The following RBPJ variants were observed in gnomAD, a reference collection of about 807,000 sequenced individuals.
RBPJ encodes recombining binding protein suppressor of hairless.
A neutral mutation model predicts 67.8 loss-of-function variants in RBPJ; 9 were observed. That is an observed-to-expected ratio of 0.13 (90% CI 0.08 to 0.23). RBPJ has a LOEUF of 0.23. Among genes scored for constraint, RBPJ ranks in the 10% least tolerant of loss-of-function variants. The probability of loss-of-function intolerance (pLI) is 1.00; values close to 1 mark genes in which losing one functional copy is unlikely to be tolerated. For synonymous variants in RBPJ, 198 were observed against 203.3 expected (o/e 0.97, Z 0.22); for missense variants, 305 against 595.6 (o/e 0.51, Z 5.08).
At chr4:26,387,009 T>C (rs771919624) in intron 2 of RBPJ, among the ~76,000 whole-genome samples, 1 of 152,108 alleles carries the variant, frequency 6.6e-6, no homozygotes, top group Non-Finnish European at 1.5e-5. Context: ...TATATATATA[T>C]GTATATGTAT....
the RBPJ span, among the ~76,000 whole-genome samples, chr4:26,126,433 CCT>C: frequency 6.6e-6 from 1 of 152,226 alleles, no homozygotes; most frequent in Non-Finnish European, 1.5e-5. Flanking sequence ...GACAGATACT[CCT>C]CTCTCTTTCC....
intron 1 of RBPJ, among the ~76,000 whole-genome samples, chr4:26,223,218 G>T (rs1327230311): frequency 1.3e-5 from 2 of 152,070 alleles, no homozygotes; most frequent in African/African-American, 4.8e-5. Flanking sequence ...CTGCTTTGAG[G>T]AGCACTCTTT....
chr4:26,164,765 GT>G (rs963113079), intron 1 of RBPJ, among the ~76,000 whole-genome samples: 15 of 152,258 alleles, frequency 9.9e-5, no homozygotes, highest in Admixed American at 9.2e-4. Flanking sequence ...TTAAAAATGT[GT>G]TTTTCTACTG....
At position 26,169,399 on chromosome 4, in the gene RBPJ, C is replaced by T. The variant is rs540923431; in HGVS notation, c.-167+5785C>T. Among the ~76,000 whole-genome samples, 16 of 152,330 alleles carry T rather than the reference C, an allele frequency of 1.1e-4. No individual in the cohort carries two copies. The South Asian group carries it at 1.9e-3, about 18-fold the overall frequency. On this transcript the variant is annotated intron_variant, in intron 1 of 4. Transcript: ENST00000512351. ...TGCAGAACCTCGGATTTTCATGATCCACGAATGCTGCTGTCTGATCGTTCC... is the reference window on the plus strand; with the variant it reads ...TGCAGAACCTCGGATTTTCATGATCTACGAATGCTGCTGTCTGATCGTTCC...
intron 1 of RBPJ, among the ~76,000 whole-genome samples, chr4:26,307,317 A>T (rs570599115): frequency 6.6e-6 from 1 of 152,268 alleles, no homozygotes; most frequent in Non-Finnish European, 1.5e-5. Context: ...TTAGACAGGC[A>T]TACAACCTTT....
At chr4:26,168,797 C>T (rs1353305906) in intron 1 of RBPJ, among the ~76,000 whole-genome samples, 3 of 151,984 alleles carry the variant, frequency 2.0e-5, no homozygotes, top group African/African-American at 7.3e-5. Flanking sequence ...TCTAAACTTC[C>T]CTTCTCACTT....
At chr4:26,263,019 C>T (rs531059881) in intron 1 of RBPJ, among the ~76,000 whole-genome samples, 1 of 152,260 alleles carries the variant, frequency 6.6e-6, no homozygotes, top group East Asian at 1.9e-4. Context: ...CCCAGTTAAC[C>T]ACCACCCCAG....
chr4:26,240,061 C>T (rs1266913257), intron 1 of RBPJ, among the ~76,000 whole-genome samples: 1 of 152,136 alleles, frequency 6.6e-6, no homozygotes, highest in Non-Finnish European at 1.5e-5. Flanking sequence ...TCCGTGTGAG[C>T]AAAACTTCCC....
At chr4:26,157,112 C>CAAACAAAAAAAAAAAAAAAAAAAAAAA in the RBPJ span, among the ~76,000 whole-genome samples, 1 of 113,278 alleles carries the variant, frequency 8.8e-6, no homozygotes, top group African/African-American at 3.2e-5. Flanking sequence ...AACAAACAAA[C>CAAACAAAAAAAAAAAAAAAAAAAAAAA]AAACAAAAAA....
chr4:26,348,918 G>T (rs1040951121), intron 1 of RBPJ, among the ~76,000 whole-genome samples: 2 of 152,044 alleles, frequency 1.3e-5, no homozygotes, highest in Admixed American at 1.3e-4. Flanking sequence ...TGTTGCTCAG[G>T]CTGGTCTTAA....
At chr4:26,109,438 CTCTCTCTCTCTCTCTCTCTCTCTATATA>C in the RBPJ span, among the ~76,000 whole-genome samples, 8 of 34,292 alleles carry the variant, frequency 2.3e-4, 1 homozygote, top group African/African-American at 1.0e-3. Flanking sequence ...CTCTCTCTCT[CTCTCTCTCTCTCTCTCTCTCTCTATATA>C]TATATATATA....
intron 1 of RBPJ, among the ~76,000 whole-genome samples, chr4:26,216,046 T>G (rs527724651): frequency 6.6e-6 from 1 of 152,054 alleles, no homozygotes; most frequent in Non-Finnish European, 1.5e-5. Context: ...CCGGGGGAAA[T>G]TCAGTTCCTT....
At chr4:26,274,910 C>G (rs1035343528) in intron 1 of RBPJ, among the ~76,000 whole-genome samples, 1 of 151,710 alleles carries the variant, frequency 6.6e-6, no homozygotes, top group Non-Finnish European at 1.5e-5. Flanking sequence ...TGATCCTAGC[C>G]TGGGTGACAG....
At chr4:26,301,569 G>C (rs991248629) in intron 1 of RBPJ, among the ~76,000 whole-genome samples, 1 of 149,672 alleles carries the variant, frequency 6.7e-6, no homozygotes, top group African/African-American at 2.5e-5. Flanking sequence ...TCCAGCCTGG[G>C]TGACAGAGCG....
At chr4:26,407,437 G>A (rs1473271784) in intron 3 of RBPJ, among the ~76,000 whole-genome samples, 1 of 152,096 alleles carries the variant, frequency 6.6e-6, no homozygotes, top group Non-Finnish European at 1.5e-5. Context: ...TTACAACAAG[G>A]TGATTTTTAA....
At chr4:26,399,574 G>A (rs1450345738) in intron 2 of RBPJ, among the ~76,000 whole-genome samples, 1 of 151,318 alleles carries the variant, frequency 6.6e-6, no homozygotes, top group Non-Finnish European at 1.5e-5. Flanking sequence ...GCAAACCACA[G>A]TCAAAAAATT....
intron 1 of RBPJ, among the ~76,000 whole-genome samples, chr4:26,303,669 C>T (rs1722148806): frequency 6.6e-6 from 1 of 151,508 alleles, no homozygotes; most frequent in African/African-American, 2.4e-5. Context: ...CTAGGCTGGG[C>T]GTGGTGGCTC....
intron 1 of RBPJ, among the ~76,000 whole-genome samples, chr4:26,165,519 G>T (rs994846433): frequency 1.3e-5 from 2 of 152,106 alleles, no homozygotes; most frequent in African/African-American, 4.8e-5. Flanking sequence ...AATGGATTAT[G>T]AATAAATGTA....
intron 1 of RBPJ, among the ~76,000 whole-genome samples, chr4:26,232,375 A>G (rs988801941): frequency 6.6e-6 from 1 of 152,008 alleles, no homozygotes; most frequent in Admixed American, 6.6e-5. Flanking sequence ...TTCATTAACT[A>G]TTCTTCCTGA....
Sources: allele counts gnomAD v4.1 joint callset (sites outside exome capture counted in the v4.1 genomes callset), GRCh38; gene constraint gnomAD v4.1.1; transcripts MANE v1.5; gene names NCBI Gene and HGNC (gene_info 2026-07-23, HGNC 2026-07-21).